The following ZBTB20 variants were observed in gnomAD, a reference collection of about 807,000 sequenced individuals.
The protein encoded by ZBTB20 is zinc finger and BTB domain-containing protein 20.
In ZBTB20, 9 loss-of-function variants were observed where a neutral mutation model predicts 56.9. That is an observed-to-expected ratio of 0.16 (90% CI 0.10 to 0.28). ZBTB20 has a LOEUF of 0.28. ZBTB20 is among the 10% of genes least tolerant of loss of function. The probability of loss-of-function intolerance (pLI) is 1.00; values close to 1 mark genes in which losing one functional copy is unlikely to be tolerated. For missense variants in ZBTB20, 655 were observed against 1,003.0 expected (o/e 0.65, Z 4.69); for synonymous variants, 417 against 420.7 (o/e 0.99, Z 0.11).
chr3:114,353,074 T>G (rs1340187222), intron 10 of ZBTB20, among the ~76,000 whole-genome samples: 1 of 152,242 alleles, frequency 6.6e-6, no homozygotes, highest in African/African-American at 2.4e-5. Flanking sequence ...TTTCTATTTT[T>G]CTAGCTCATC....
intron 1 of ZBTB20, among the ~76,000 whole-genome samples, chr3:115,128,312 GAATC>G (rs1459173929): frequency 6.6e-6 from 1 of 152,110 alleles, no homozygotes; most frequent in Non-Finnish European, 1.5e-5. Context: ...ATATCAAAGA[GAATC>G]AGTTGAGGTA....
intron 6 of ZBTB20, among the ~76,000 whole-genome samples, chr3:114,660,191 C>G (rs1220297837): frequency 6.6e-6 from 1 of 152,126 alleles, no homozygotes; most frequent in Non-Finnish European, 1.5e-5. Flanking sequence ...CTCCCTTTAT[C>G]AAGTTTGAGT....
chr3:114,718,065 G>A (rs113063289), intron 5 of ZBTB20, among the ~76,000 whole-genome samples: 1 of 152,156 alleles, frequency 6.6e-6, no homozygotes, highest in East Asian at 1.9e-4. Flanking sequence ...CTGATTTTAT[G>A]ACTTTGATAT....
chr3:115,113,260 A>G (rs2108630779), intron 1 of ZBTB20, among the ~76,000 whole-genome samples: 1 of 152,378 alleles, frequency 6.6e-6, no homozygotes, highest in South Asian at 2.1e-4. Context: ...TTTAAAAAAC[A>G]GTAACAATGA....
intron 7 of ZBTB20, among the ~76,000 whole-genome samples, chr3:114,395,219 T>C (rs1045556253): frequency 1.2e-4 from 18 of 152,114 alleles, no homozygotes; most frequent in African/African-American, 4.1e-4. Context: ...GCACAGCAAA[T>C]TTCATAAAAA....
intron 3 of ZBTB20, among the ~76,000 whole-genome samples, chr3:114,943,579 A>C (rs2076790763): frequency 6.9e-6 from 1 of 145,478 alleles, no homozygotes. Flanking sequence ...AATAAAACAA[A>C]ATTAATAACT....
chr3:114,495,687 G>T (rs1661965126), intron 7 of ZBTB20, among the ~76,000 whole-genome samples: 1 of 151,722 alleles, frequency 6.6e-6, no homozygotes, highest in Admixed American at 6.6e-5. Context: ...CTCTGAATGA[G>T]TCAAAAGATT....
At chr3:114,489,893 C>T (rs951341660) in intron 7 of ZBTB20, among the ~76,000 whole-genome samples, 3 of 152,172 alleles carry the variant, frequency 2.0e-5, no homozygotes, top group Non-Finnish European at 4.4e-5. Flanking sequence ...CCACCTCTTT[C>T]TAAGCTATCA....
At chr3:114,602,991 G>A (rs186709046) in intron 6 of ZBTB20, among the ~76,000 whole-genome samples, 13 of 151,972 alleles carry the variant, frequency 8.6e-5, no homozygotes, top group Admixed American at 5.3e-4. Flanking sequence ...GACTCTAAGG[G>A]CCATCTATAT....
At chr3:114,661,762 A>G (rs2060737117) in intron 6 of ZBTB20, among the ~76,000 whole-genome samples, 1 of 152,108 alleles carries the variant, frequency 6.6e-6, no homozygotes. Context: ...ACTTGCCTAT[A>G]ATGTGACTTT....
chr3:114,822,260 T>C (rs114881739), intron 4 of ZBTB20, among the ~76,000 whole-genome samples: 8,145 of 152,182 alleles, frequency 0.054, 310 homozygotes, highest in Non-Finnish European at 0.082. Flanking sequence ...ATATAAATAG[T>C]TTCTGGAAAA....
intron 2 of ZBTB20, among the ~76,000 whole-genome samples, chr3:115,019,582 T>G (rs991001553): frequency 6.6e-6 from 1 of 151,290 alleles, no homozygotes; most frequent in Admixed American, 6.6e-5. Flanking sequence ...CTTTATTCGT[T>G]CTTTTAGTCT....
chr3:115,017,978 T>G (rs971122447), intron 2 of ZBTB20, among the ~76,000 whole-genome samples: 12 of 151,614 alleles, frequency 7.9e-5, no homozygotes, highest in African/African-American at 2.9e-4. Flanking sequence ...TCTTGAAATT[T>G]ACTTTTCAAT....
intron 1 of ZBTB20, among the ~76,000 whole-genome samples, chr3:115,124,768 A>C (rs2084278646): frequency 6.6e-6 from 1 of 152,196 alleles, no homozygotes; most frequent in African/African-American, 2.4e-5. Context: ...ACATAACTGG[A>C]AAACATGTTT....
chr3:115,020,013 T>C (rs1427345469), intron 2 of ZBTB20, among the ~76,000 whole-genome samples: 1 of 151,236 alleles, frequency 6.6e-6, no homozygotes, highest in South Asian at 2.1e-4. Context: ...TTGAACTGTG[T>C]ATGCAAGAAG....
chr3:114,765,361 G>C (rs1024810911), intron 5 of ZBTB20, among the ~76,000 whole-genome samples: 1 of 152,122 alleles, frequency 6.6e-6, no homozygotes, highest in Non-Finnish European at 1.5e-5. Context: ...TGCCTGTAGA[G>C]AAAGGGGAAA....
At chr3:115,013,124 C>A (rs950502483) in intron 2 of ZBTB20, among the ~76,000 whole-genome samples, 5 of 151,446 alleles carry the variant, frequency 3.3e-5, no homozygotes, top group Non-Finnish European at 7.4e-5. Flanking sequence ...AGAAAAACTT[C>A]AAATAAACAA....
chr3:114,787,362 T>TACACACACAC (rs1165510633), intron 5 of ZBTB20, among the ~76,000 whole-genome samples: 9 of 71,390 alleles, frequency 1.3e-4, no homozygotes, highest in African/African-American at 4.3e-4. Flanking sequence ...TATATATATA[T>TACACACACAC]ATATATACAC....
At position 115,104,779 on chromosome 3, in the gene ZBTB20, T is replaced by A. The variant is rs540802179; in HGVS notation, c.-702-33365A>T. On this transcript the variant is annotated intron_variant, in intron 1 of 11. Coordinates refer to ENST00000675478, the MANE Select transcript of ZBTB20 (RefSeq NM_001348800.3). ...GAAACTACTTTGTATAATACAATAG[T>A]GACAGATAGATGTCATACATTTGTT... Among the ~76,000 whole-genome samples, 32 of 152,270 alleles carry A rather than the reference T, an allele frequency of 2.1e-4. 1 individual carries two copies. In the South Asian group the frequency reaches 3.7e-3, roughly 18 times the overall value.
Sources: gnomAD v4.1 joint callset for allele counts (sites outside exome capture counted in the v4.1 genomes callset) on GRCh38, gnomAD v4.1.1 for gene constraint, MANE v1.5 for transcripts, NCBI Gene and HGNC (gene_info 2026-07-23, HGNC 2026-07-21) for gene names.